FAM227B: variants seen among roughly 807,000 people sequenced by gnomAD.
FAM227B encodes the protein protein FAM227B.
A neutral mutation model predicts 73.8 loss-of-function variants in FAM227B; 88 were observed. The ratio of observed to expected loss-of-function variants is 1.19; its 90% CI spans 1.00 to 1.42. FAM227B has a LOEUF of 1.42. FAM227B is among the 40% of genes most tolerant of loss of function. FAM227B has a pLI of 0.00. For synonymous variants in FAM227B, 210 were observed against 190.5 expected (o/e 1.10, Z -0.84); for missense variants, 632 against 590.9 (o/e 1.07, Z -0.72).
At position 49,532,412 on chromosome 15, in the gene FAM227B, T is replaced by TA. The variant is rs1323147181; in HGVS notation, c.874+9267dup. Among the ~76,000 whole-genome samples the TA allele has an allele frequency of 9.9e-5, 15 of 151,928 alleles. No homozygotes were observed. In the South Asian group the frequency reaches 1.2e-3, roughly 13 times the overall value. On this transcript the variant is annotated intron_variant, in intron 10 of 15. Transcript: ENST00000299338. ...GTACAAAACTTTCAGCTCTGTAAGT[T>TA]AAAAAAGAACAGCAAACAATCATTT... is the stretch of plus-strand genomic sequence containing the variant.
chr15:49,441,555 T>G (rs2051645616), intron 11 of FAM227B, among the ~76,000 whole-genome samples: 1 of 151,544 alleles, frequency 6.6e-6, no homozygotes, highest in Non-Finnish European at 1.5e-5. Flanking sequence ...GACACAAAGA[T>G]TAGTTAGGAT....
At chr15:49,505,349 C>G (rs549091796) in intron 11 of FAM227B, among the ~76,000 whole-genome samples, 2 of 151,992 alleles carry the variant, frequency 1.3e-5, no homozygotes, top group Non-Finnish European at 2.9e-5. Context: ...TTTATACATA[C>G]GTCAAAACTC....
In FAM227B at chr15:49,429,808, G is replaced by A. The variant is rs77212197; in HGVS notation, c.1013-58409C>T. Among the ~76,000 whole-genome samples the A allele has an allele frequency of 1.8e-3, 274 of 151,992 alleles. 1 individual carries two copies. Among genetic ancestry groups the A allele is most frequent in the African/African-American group, 6.4e-3 (266 of 41,506 alleles). ...GGGATGAGAACCACTGGACTAAGGG[G>A]ATCACATTAGATTACTGGGGAATTA... On this transcript the variant is annotated intron_variant, in intron 11 of 15. Coordinates refer to ENST00000299338, the MANE Select transcript of FAM227B (RefSeq NM_152647.3).
At chr15:49,379,148 C>CT (rs2046360057) in intron 11 of FAM227B, among the ~76,000 whole-genome samples, 1 of 152,304 alleles carries the variant, frequency 6.6e-6, no homozygotes, top group East Asian at 1.9e-4. Flanking sequence ...ATAAATCCCA[C>CT]TTGGATCTGA....
At chr15:49,430,651 T>C (rs575903625) in intron 11 of FAM227B, among the ~76,000 whole-genome samples, 6 of 151,926 alleles carry the variant, frequency 3.9e-5, no homozygotes, top group African/African-American at 1.4e-4. Flanking sequence ...CATTCCATGG[T>C]GGAAGGTAGA....
chr15:49,616,793 T>G (rs1022550344), intron 1 of FAM227B, among the ~76,000 whole-genome samples: 1 of 152,218 alleles, frequency 6.6e-6, no homozygotes, highest in East Asian at 1.9e-4. Context: ...CAAGAAAAAT[T>G]GAAATGTCAA....
intron 9 of FAM227B, among the ~76,000 whole-genome samples, chr15:49,559,093 G>A (rs2074017834): frequency 6.6e-6 from 1 of 152,034 alleles, no homozygotes; most frequent in African/African-American, 2.4e-5. Context: ...CCTCACTGTA[G>A]TCCAGAGATA....
chr15:49,553,396 G>A, intron 9 of FAM227B, among the ~76,000 whole-genome samples: 1 of 152,176 alleles, frequency 6.6e-6, no homozygotes, highest in East Asian at 1.9e-4. Context: ...ACAATGCTGG[G>A]TCTCACTGAA....
At chr15:49,546,456 T>C (rs1217406201) in intron 9 of FAM227B, among the ~76,000 whole-genome samples, 11 of 152,136 alleles carry the variant, frequency 7.2e-5, no homozygotes, top group Admixed American at 7.2e-4. Flanking sequence ...TGATTTATAA[T>C]CCTTTGGGTA....
Position 49,576,806 on chromosome 15 carries a change from GAGTA to G in FAM227B, c.477_480del (p.Thr160SerfsTer16), listed in dbSNP as rs768040885. 6.2e-7 allele frequency: 1 copy of G among 1,612,910 alleles called. No homozygotes were observed. Among genetic ancestry groups the G allele is most frequent in the East Asian group, 2.2e-5 (1 of 44,826 alleles). ...TCAGCATCCAAATGTCTGGGTAGCT[GAGTA>G]AGTTCATTTGCTTTGAATCCTGTGA... On this transcript the variant is annotated frameshift_variant, in exon 7 of 16. Transcript: ENST00000299338. LOFTEE classifies it high-confidence loss of function.
chr15:49,392,319 A>G (rs779618934), intron 11 of FAM227B, among the ~76,000 whole-genome samples: 17 of 152,148 alleles, frequency 1.1e-4, no homozygotes, highest in Non-Finnish European at 2.2e-4. Flanking sequence ...AACATAATCT[A>G]AGAATCAATT....
At chr15:49,459,389 C>T (rs1440252322) in intron 11 of FAM227B, among the ~76,000 whole-genome samples, 1 of 152,124 alleles carries the variant, frequency 6.6e-6, no homozygotes, top group Admixed American at 6.6e-5. Context: ...ATGTTTATTC[C>T]ATGAATTTTC....
intron 8 of FAM227B, among the ~76,000 whole-genome samples, chr15:49,570,413 A>T (rs947176909): frequency 6.6e-6 from 1 of 151,894 alleles, no homozygotes; most frequent in Non-Finnish European, 1.5e-5. Context: ...GATGTTGAGC[A>T]GTTTTTCAAA....
chr15:49,439,304 A>AAGAGAGAGAGAAAGGGAGGC (rs1479643260), intron 11 of FAM227B, among the ~76,000 whole-genome samples: 2 of 151,216 alleles, frequency 1.3e-5, no homozygotes, highest in East Asian at 3.9e-4. Flanking sequence ...GGGAGGGAGA[A>AAGAGAGAGAGAAAGGGAGGC]AGAGAGAGAG....
rs1596646343 is a variant in FAM227B, at chr15:49,371,286, T to G, written c.1110+16A>C. On this transcript the variant is annotated intron_variant, in intron 12 of 15. Transcript: ENST00000299338. ...AAACAAGTAAGAAATTTTTTCATAA[T>G]TATTATACTCCAAACCTTTGTTGCT... is the stretch of plus-strand genomic sequence containing the variant. The G allele has an allele frequency of 6.7e-7, 1 of 1,492,674 alleles. No homozygotes were observed. The highest frequency in any genetic ancestry group is 1.2e-5 in the South Asian group (1 of 84,838). 92.5% of individuals were successfully genotyped at this position (1,492,674 alleles called of 1,614,324 possible). A position where few individuals can be genotyped will look rare whatever the true frequency, so the allele number is the denominator to read the frequency against.
Position 49,538,001 on chromosome 15 carries a change from T to C in FAM227B, c.874+3679A>G, listed in dbSNP as rs559615887. Among the ~76,000 whole-genome samples, 7 of 152,246 alleles carry C rather than the reference T, an allele frequency of 4.6e-5. No homozygotes were observed. In the East Asian group the frequency reaches 1.4e-3, roughly 29 times the overall value. On this transcript the variant is annotated intron_variant, in intron 10 of 15. Transcript: ENST00000299338. ...AGGATGAACTAGTCTAAAGATCTAATGTACAACATTAATGTACTAGTTAAT... is the reference window on the plus strand; with the variant it reads ...AGGATGAACTAGTCTAAAGATCTAACGTACAACATTAATGTACTAGTTAAT...
intron 13 of FAM227B, among the ~76,000 whole-genome samples, chr15:49,348,063 G>C (rs1245010506): frequency 6.8e-6 from 1 of 146,888 alleles, no homozygotes; most frequent in Non-Finnish European, 1.5e-5. Flanking sequence ...AAAAGTGTTA[G>C]TGCTTCAAAT....
rs371416601 is a variant in FAM227B, at chr15:49,367,513, C to G, written c.1206G>C (p.Glu402Asp). 8.1e-6 allele frequency: 13 copies of G among 1,606,304 alleles called. No homozygotes were observed. The highest frequency in any genetic ancestry group is 1.1e-5 in the Non-Finnish European group (13 of 1,178,304). The change falls in exon 13 of 16, where the codon GAG becomes GAC. Residue 402 changes from glutamate to aspartate, a missense_variant. Physicochemically the swap from Glu to Asp is conservative, Grantham distance 45. Transcript: ENST00000299338. ...PLILYYLKMH[E>D]LAGISKAPKK... ...TAGGTGCTTTGGAAATACCAGCCAG[C>G]TCATGCATCTTAAGATAATATAAAA... is the stretch of plus-strand genomic sequence containing the variant.
chr15:49,417,535 A>G (rs890147681), intron 11 of FAM227B, among the ~76,000 whole-genome samples: 3 of 152,162 alleles, frequency 2.0e-5, no homozygotes, highest in Non-Finnish European at 4.4e-5. Context: ...CAACTATCTG[A>G]TCGTTGACAA....
Sources: gnomAD v4.1 joint callset for allele counts (sites outside exome capture counted in the v4.1 genomes callset) on GRCh38, gnomAD v4.1.1 for gene constraint, MANE v1.5 for transcripts, NCBI Gene and HGNC (gene_info 2026-07-23, HGNC 2026-07-21) for gene names.